Variants in RERE observed in about 807,000 individuals in gnomAD.
The protein encoded by RERE is arginine-glutamic acid dipeptide repeats protein.
Under a neutral mutation model 146.1 loss-of-function variants are expected in RERE, and 40 were observed. The observed-to-expected ratio is 0.27, with a 90% CI of 0.21 to 0.36. The LOEUF (loss-of-function observed/expected upper bound fraction) is 0.36. RERE is among the 10% of genes least tolerant of loss of function. The pLI is 1.00. For missense variants in RERE, 1,933 were observed against 2,138.7 expected (o/e 0.90, Z 1.90); for synonymous variants, 1,003 against 866.0 (o/e 1.16, Z -2.78).
intron 1 of RERE, among the ~76,000 whole-genome samples, chr1:8,794,267 G>A (rs975317427): frequency 2.0e-5 from 3 of 149,224 alleles, no homozygotes; most frequent in Non-Finnish European, 3.0e-5. Flanking sequence ...CAGCTACTCC[G>A]GAGGCTGAGG....
intron 12 of RERE, among the ~76,000 whole-genome samples, chr1:8,409,971 ATTTTTTTTT>A (rs57424627): frequency 1.6e-4 from 15 of 95,380 alleles, no homozygotes; most frequent in Admixed American, 2.4e-4. Flanking sequence ...CAATCAGGCA[ATTTTTTTTT>A]TTTTTTTTTT....
At chr1:8,375,748 A>G (rs1026895225) in intron 12 of RERE, among the ~76,000 whole-genome samples, 18 of 148,078 alleles carry the variant, frequency 1.2e-4, no homozygotes, top group Non-Finnish European at 2.4e-4. Context: ...TTCCTCACTC[A>G]GCAGCCACTG....
chr1:8,504,784 C>T (rs868699666), intron 8 of RERE, among the ~76,000 whole-genome samples: 56 of 151,886 alleles, frequency 3.7e-4, no homozygotes, highest in Admixed American at 6.6e-4. Flanking sequence ...ACCCGGGAGG[C>T]GGAGGTTGCA....
rs115947868 is a variant in RERE, at chr1:8,360,024, G to A, written c.3396-38C>T. ...ACAGATCTTGCTGGGAGCTCCTGCC[G>A]AGACCCACCCCGGCCCTCCCTCCCA... On this transcript the variant is annotated intron_variant, in intron 18 of 22. Coordinates refer to ENST00000400908, the MANE Select transcript of RERE (RefSeq NM_001042681.2). 832 of 1,606,818 alleles carry A rather than the reference G, an allele frequency of 5.2e-4. 5 individuals are homozygous for A. The African/African-American group carries it at 8.2e-3, about 16-fold the overall frequency.
At chr1:8,575,562 T>TATATATATA (rs1491346958) in intron 4 of RERE, among the ~76,000 whole-genome samples, 2 of 35,426 alleles carry the variant, frequency 5.6e-5, no homozygotes, top group African/African-American at 1.2e-4. Flanking sequence ...TATATATATA[T>TATATATATA]TTTTTTTTTT....
At chr1:8,372,117 A>G (rs1177852106) in intron 12 of RERE, among the ~76,000 whole-genome samples, 1 of 152,180 alleles carries the variant, frequency 6.6e-6, no homozygotes, top group African/African-American at 2.4e-5. Flanking sequence ...GGAGTGAAAG[A>G]GTAGAAGAGA....
At chr1:8,785,839 C>G (rs1436398200) in intron 1 of RERE, among the ~76,000 whole-genome samples, 3 of 152,136 alleles carry the variant, frequency 2.0e-5, no homozygotes, top group Admixed American at 1.3e-4. Context: ...CCAAGCTGGT[C>G]TCGAATTCCT....
Position 8,352,610 on chromosome 1 carries a change from T to C in RERE, c.*2477A>G, listed in dbSNP as rs540619196. 6.6e-6 allele frequency: 1 copy of C among 152,416 alleles called. No homozygotes were observed. Among genetic ancestry groups the C allele is most frequent in the African/African-American group, 2.4e-5 (1 of 41,532 alleles). 9.4% of individuals were successfully genotyped at this position (152,416 alleles called of 1,614,324 possible). Reference sequence around the variant, plus strand: ...AGTGTGCACGCTGCCTCTGCCGCAGTGGAGTGAAGCTCAACCTCGAGGACA... The same window carrying C: ...AGTGTGCACGCTGCCTCTGCCGCAGCGGAGTGAAGCTCAACCTCGAGGACA... On this transcript the variant is annotated 3_prime_UTR_variant, in exon 23 of 23. Transcript: ENST00000400908.
At chr1:8,514,295 C>T (rs1201033184) in intron 7 of RERE, among the ~76,000 whole-genome samples, 1 of 152,206 alleles carries the variant, frequency 6.6e-6, no homozygotes, top group Admixed American at 6.5e-5. Context: ...CAAAGAGTAA[C>T]TGATATTCCA....
intron 3 of RERE, among the ~76,000 whole-genome samples, chr1:8,619,911 T>C (rs1020452754): frequency 6.6e-6 from 1 of 152,194 alleles, no homozygotes; most frequent in African/African-American, 2.4e-5. Context: ...CCACTTAGAA[T>C]CTAAGATCAC....
At chr1:8,724,244 T>C (rs1639915175) in intron 1 of RERE, among the ~76,000 whole-genome samples, 1 of 151,996 alleles carries the variant, frequency 6.6e-6, no homozygotes, top group African/African-American at 2.4e-5. Flanking sequence ...CTTCTATATG[T>C]ATCCTTCTTT....
intron 1 of RERE, among the ~76,000 whole-genome samples, chr1:8,763,706 C>T (rs528080694): frequency 4.6e-5 from 7 of 152,070 alleles, no homozygotes; most frequent in African/African-American, 1.7e-4. Flanking sequence ...TTTGGGAGGC[C>T]GAGGCAGGCG....
intron 1 of RERE, among the ~76,000 whole-genome samples, chr1:8,795,319 C>T (rs977335884): frequency 3.3e-5 from 5 of 151,812 alleles, no homozygotes; most frequent in African/African-American, 9.7e-5. Flanking sequence ...CCACCGCCCC[C>T]GGCCCCCCAC....
At chr1:8,609,111 A>C (rs3850467) in intron 4 of RERE, among the ~76,000 whole-genome samples, 1 of 151,930 alleles carries the variant, frequency 6.6e-6, no homozygotes, top group Non-Finnish European at 1.5e-5. Flanking sequence ...TCAGCTACTC[A>C]GGAGGCTGAG....
rs760184207 is a variant in RERE at position 8,358,387 on chromosome 1, C to G, written c.4148G>C (p.Gly1383Ala). Reference protein sequence around the residue: ...PLERERLALAGPQLRPEMSYP... With the variant: ...PLERERLALAAPQLRPEMSYP... ...GCTCATCTCGGGCCGCAGCTGGGGG[C>G]CCGCCAGGGCCAGTCTCTCCCTCTC... The change falls in exon 20 of 23, where the codon GGC becomes GCC. Residue 1383 changes from glycine to alanine, a missense_variant. Physicochemically the swap from Gly to Ala is moderately conservative, Grantham distance 60. Coordinates refer to ENST00000400908, the MANE Select transcript of RERE (RefSeq NM_001042681.2). 83 of 1,607,526 alleles carry G rather than the reference C, an allele frequency of 5.2e-5. No homozygotes were observed. Among genetic ancestry groups the G allele is most frequent in the Non-Finnish European group, 6.4e-5 (75 of 1,176,070 alleles).
intron 1 of RERE, among the ~76,000 whole-genome samples, chr1:8,764,691 C>T (rs994573004): frequency 6.6e-6 from 1 of 152,026 alleles, no homozygotes; most frequent in East Asian, 1.9e-4. Flanking sequence ...ACGTAATTCA[C>T]CCAGATTTCT....
Position 8,369,535 on chromosome 1 carries a change from A to AAG in RERE, c.1285-3562_1285-3561insCT, listed in dbSNP as rs1553157153. On this transcript the variant is annotated intron_variant, in intron 12 of 22. Coordinates refer to ENST00000400908, the MANE Select transcript of RERE (RefSeq NM_001042681.2). Reference sequence around the variant, plus strand: ...AAAAAAAAAAAAAAAAAAAAAAAAAAAAGAAGAAAAGAAAATGACCAGGCA... The same window carrying AAG: ...AAAAAAAAAAAAAAAAAAAAAAAAAAAGAAGAAGAAAAGAAAATGACCAGGCA... Among the ~76,000 whole-genome samples, 617 of 138,304 alleles carry AAG rather than the reference A, an allele frequency of 4.5e-3. 8 individuals are homozygous for AAG. The highest frequency in any genetic ancestry group is 8.1e-3 in the South Asian group (35 of 4,338). The allele number at this position is 138,304 out of a possible 152,430, so 90.7% of individuals were successfully genotyped here. A position where few individuals can be genotyped will look rare whatever the true frequency, so the allele number is the denominator to read the frequency against.
At chr1:8,730,397 C>T (rs896502626) in intron 1 of RERE, among the ~76,000 whole-genome samples, 9 of 152,168 alleles carry the variant, frequency 5.9e-5, no homozygotes, top group African/African-American at 1.9e-4. Flanking sequence ...GGCTGGAGTG[C>T]AGTGGCGCGA....
intron 11 of RERE, among the ~76,000 whole-genome samples, chr1:8,440,641 A>G (rs979593921): frequency 5.3e-5 from 8 of 150,418 alleles, no homozygotes; most frequent in Admixed American, 2.0e-4. Context: ...TAATCCCAGC[A>G]CTTTGGGAGG....
Sources: allele counts gnomAD v4.1 joint callset (sites outside exome capture counted in the v4.1 genomes callset), GRCh38; gene constraint gnomAD v4.1.1; transcripts MANE v1.5; gene names NCBI Gene and HGNC (gene_info 2026-07-23, HGNC 2026-07-21).